The following SWT1 variants were observed in gnomAD, a reference collection of about 807,000 sequenced individuals.
SWT1 encodes transcriptional protein SWT1.
In SWT1, 33 loss-of-function variants were observed where a neutral mutation model predicts 107.3. That is an observed-to-expected ratio of 0.31 (90% CI 0.23 to 0.41). SWT1 has a LOEUF of 0.41. Among genes scored for constraint, SWT1 ranks in the 10% least tolerant of loss-of-function variants. The probability of loss-of-function intolerance (pLI) is 1.00; values close to 1 mark genes in which losing one functional copy is unlikely to be tolerated. For synonymous variants in SWT1, 345 were observed against 348.3 expected (o/e 0.99, Z 0.11); for missense variants, 898 against 1,028.9 (o/e 0.87, Z 1.74).
chr1:185,244,185 G>A (rs991237377), intron 16 of SWT1, among the ~76,000 whole-genome samples: 1 of 151,840 alleles, frequency 6.6e-6, no homozygotes, highest in South Asian at 2.1e-4. Flanking sequence ...CTGTCCTCTC[G>A]CCTCAGCCTC....
chr1:185,211,705 G>C (rs891484466), intron 13 of SWT1, among the ~76,000 whole-genome samples: 1 of 152,016 alleles, frequency 6.6e-6, no homozygotes, highest in African/African-American at 2.4e-5. Flanking sequence ...CCCATTACTG[G>C]GTATATAACC....
chr1:185,228,211 T>C (rs1368124584), intron 15 of SWT1, among the ~76,000 whole-genome samples: 1 of 147,232 alleles, frequency 6.8e-6, no homozygotes, highest in African/African-American at 2.6e-5. Flanking sequence ...ACTCAGTATG[T>C]TTTTCTTCAG....
intron 16 of SWT1, among the ~76,000 whole-genome samples, chr1:185,270,561 A>G (rs1410529007): frequency 6.6e-6 from 1 of 152,042 alleles, no homozygotes; most frequent in East Asian, 1.9e-4. Flanking sequence ...TTAAAATATT[A>G]GCCCGACTTG....
chr1:185,231,738 T>G (rs373075135), intron 16 of SWT1, 30 bp downstream of exon 16: 340 of 1,543,314 alleles, frequency 2.2e-4, no homozygotes, highest in Non-Finnish European at 2.8e-4. Context: ...TAAAGTGTTA[T>G]TTACTTATTA....
chr1:185,243,441 A>G (rs766227259), intron 16 of SWT1, among the ~76,000 whole-genome samples: 3 of 152,152 alleles, frequency 2.0e-5, no homozygotes, highest in Admixed American at 6.6e-5. Flanking sequence ...TGAGAAATAT[A>G]TTCTTGTGCC....
At chr1:185,286,989 A>G (rs766592565) in intron 18 of SWT1, among the ~76,000 whole-genome samples, 3 of 152,174 alleles carry the variant, frequency 2.0e-5, no homozygotes, top group African/African-American at 4.8e-5. Flanking sequence ...TATTTTATAT[A>G]TTACATTGTA....
At chr1:185,218,440 G>T (rs1424483718) in intron 14 of SWT1, among the ~76,000 whole-genome samples, 1 of 152,062 alleles carries the variant, frequency 6.6e-6, no homozygotes, top group Non-Finnish European at 1.5e-5. Context: ...CTCCTGAATA[G>T]CTGGAACCAC....
At chr1:185,229,465 TC>T (rs1200734009) in intron 15 of SWT1, among the ~76,000 whole-genome samples, 1 of 152,062 alleles carries the variant, frequency 6.6e-6, no homozygotes, top group Non-Finnish European at 1.5e-5. Flanking sequence ...ACTTTTAGTG[TC>T]CTCATCCTTT....
rs184496026 is a variant in SWT1, at chr1:185,227,445, T to C, written c.2310-4132T>C. The C allele has an allele frequency of 3.2e-5, 20 of 622,094 alleles. No individual in the cohort carries two copies. In the Admixed American group the frequency reaches 3.6e-4, roughly 11 times the overall value. 38.5% of individuals were successfully genotyped at this position (622,094 alleles called of 1,614,324 possible). A position where few individuals can be genotyped will look rare whatever the true frequency, so the allele number is the denominator to read the frequency against. Reference sequence around the variant, plus strand: ...TTTCAGGCCAGCCTTCATACCATTATTTTGGCAGTTTGTGTACATATGCTG... The same window carrying C: ...TTTCAGGCCAGCCTTCATACCATTACTTTGGCAGTTTGTGTACATATGCTG... On this transcript the variant is annotated intron_variant, in intron 15 of 18. Transcript: ENST00000367500.
At chr1:185,175,202 GTT>G (rs377403489) in intron 5 of SWT1, 89 bp downstream of exon 5, 3,395 of 710,416 alleles carry the variant, frequency 4.8e-3, no homozygotes, top group Non-Finnish European at 5.1e-3. Context: ...ATTTTTTTCT[GTT>G]TTTTTTTTTT....
chr1:185,222,274 G>C (rs1368037336), intron 15 of SWT1, among the ~76,000 whole-genome samples: 1 of 152,026 alleles, frequency 6.6e-6, no homozygotes, highest in Non-Finnish European at 1.5e-5. Flanking sequence ...TGTCACAAGT[G>C]ACAGAATAAC....
At chr1:185,191,292 T>C (rs1656928769) in intron 10 of SWT1, among the ~76,000 whole-genome samples, 1 of 152,130 alleles carries the variant, frequency 6.6e-6, no homozygotes, top group South Asian at 2.1e-4. Flanking sequence ...ATAACTTAGT[T>C]CAAAGATAAA....
chr1:185,242,736 C>A (rs982569637), intron 16 of SWT1, among the ~76,000 whole-genome samples: 4 of 152,112 alleles, frequency 2.6e-5, no homozygotes, highest in African/African-American at 9.7e-5. Flanking sequence ...TATTTATAAT[C>A]TGTTCTTTTA....
intron 16 of SWT1, among the ~76,000 whole-genome samples, chr1:185,254,957 C>T (rs1390902932): frequency 6.6e-6 from 1 of 152,062 alleles, no homozygotes; most frequent in Non-Finnish European, 1.5e-5. Context: ...TTGAATGCGT[C>T]CCAGAGATTC....
chr1:185,180,325 A>G (rs973923043), intron 5 of SWT1, 66 bp from the exon 6 acceptor site: 1 of 1,291,392 alleles, frequency 7.7e-7, no homozygotes, highest in Non-Finnish European at 1.1e-6. Flanking sequence ...GTTAATAGTG[A>G]CAAGGTTGAA....
Position 185,290,661 on chromosome 1 carries a change from CT to C in SWT1, c.2574-8del, listed in dbSNP as rs1262031692. 10 of 1,555,910 alleles carry C rather than the reference CT, an allele frequency of 6.4e-6. No individual in the cohort carries two copies. Among genetic ancestry groups the C allele is most frequent in the Non-Finnish European group, 8.7e-6 (10 of 1,149,972 alleles). ...GCTGTCTTGCAATGATTTAATATTTCTTTTTCTCCTAGGGAAAAGTTAACCA... is the reference window on the plus strand; with the variant it reads ...GCTGTCTTGCAATGATTTAATATTTCTTTTCTCCTAGGGAAAAGTTAACCA... On this transcript the variant is annotated splice_polypyrimidine_tract_variant and intron_variant, in intron 18 of 18. Coordinates refer to ENST00000367500, the MANE Select transcript of SWT1 (RefSeq NM_017673.7).
At chr1:185,266,739 T>A (rs1663427950) in intron 16 of SWT1, 1 of 152,094 alleles carries the variant, frequency 6.6e-6, no homozygotes, top group African/African-American at 2.4e-5. Context: ...ATTTGTTTAA[T>A]TCAGATTAAT....
At chr1:185,203,586 A>G (rs895409709) in intron 11 of SWT1, among the ~76,000 whole-genome samples, 1 of 150,812 alleles carries the variant, frequency 6.6e-6, no homozygotes, top group African/African-American at 2.4e-5. Context: ...GTGCCATCGT[A>G]CTCCAGCCTG....
chr1:185,176,060 C>G (rs1428658402), intron 5 of SWT1, among the ~76,000 whole-genome samples: 1 of 152,030 alleles, frequency 6.6e-6, no homozygotes, highest in Admixed American at 6.6e-5. Flanking sequence ...GAGGCCCAGG[C>G]AGGCAGATTG....
Sources: allele counts gnomAD v4.1 joint callset (sites outside exome capture counted in the v4.1 genomes callset), GRCh38; gene constraint gnomAD v4.1.1; transcripts MANE v1.5; gene names NCBI Gene and HGNC (gene_info 2026-07-23, HGNC 2026-07-21).